ATP2B2: variants seen among roughly 807,000 people sequenced by gnomAD.
The protein encoded by ATP2B2 is ATPase plasma membrane Ca2+ transporting 2.
In ATP2B2, 15 loss-of-function variants were observed where a neutral mutation model predicts 120.0. The ratio of observed to expected loss-of-function variants is 0.12; its 90% CI spans 0.08 to 0.19. The LOEUF (loss-of-function observed/expected upper bound fraction) is 0.19. Ranked by LOEUF, ATP2B2 falls within the 10% of genes least tolerant of loss-of-function variation. The pLI is 1.00. For synonymous variants in ATP2B2, 694 were observed against 700.3 expected (o/e 0.99, Z 0.14); for missense variants, 1,045 against 1,719.8 (o/e 0.61, Z 6.94).
chr3:10,689,577 C>T (rs2071607498), intron 1 of ATP2B2, among the ~76,000 whole-genome samples: 1 of 151,990 alleles, frequency 6.6e-6, no homozygotes, highest in East Asian at 1.9e-4. Context: ...AGAAGAAAGG[C>T]CATTTTAACA....
chr3:10,449,024 C>T (rs1439864283), intron 2 of ATP2B2, among the ~76,000 whole-genome samples: 2 of 152,200 alleles, frequency 1.3e-5, no homozygotes, highest in Non-Finnish European at 2.9e-5. Context: ...AAACTAGTGC[C>T]TCCCATAGTA....
intron 2 of ATP2B2, among the ~76,000 whole-genome samples, chr3:10,550,513 A>C (rs1201984158): frequency 1.3e-5 from 2 of 152,098 alleles, no homozygotes; most frequent in Admixed American, 1.3e-4. Flanking sequence ...TCTATGTGAT[A>C]GTTTTTTAAA....
intron 1 of ATP2B2, among the ~76,000 whole-genome samples, chr3:10,653,394 G>A (rs1052861839): frequency 2.0e-5 from 3 of 152,136 alleles, no homozygotes; most frequent in African/African-American, 7.2e-5. Flanking sequence ...GAGTCCAAAG[G>A]ACTCAACCAC....
At chr3:10,645,934 T>C (rs866960303) in intron 1 of ATP2B2, among the ~76,000 whole-genome samples, 6 of 152,208 alleles carry the variant, frequency 3.9e-5, no homozygotes, top group African/African-American at 1.4e-4. Context: ...ATCTTTGATG[T>C]GTTCCCCTCG....
intron 7 of ATP2B2, 105 bp from the exon 8 acceptor site, chr3:10,385,432 T>A (rs1693166453): frequency 1.3e-6 from 1 of 795,288 alleles, no homozygotes. Flanking sequence ...ACTCTATTCT[T>A]AAAAAAAAAA....
intron 11 of ATP2B2, among the ~76,000 whole-genome samples, chr3:10,374,401 A>G (rs980739526): frequency 1.3e-5 from 2 of 152,242 alleles, no homozygotes; most frequent in Non-Finnish European, 2.9e-5. Context: ...GCGTCTGTCT[A>G]GAGATCTCTT....
chr3:10,693,280 T>C (rs2125715331), intron 1 of ATP2B2, among the ~76,000 whole-genome samples: 1 of 152,360 alleles, frequency 6.6e-6, no homozygotes, highest in South Asian at 2.1e-4. Context: ...ATAACTCTTA[T>C]AGTGGAGAAT....
chr3:10,468,286 G>C (rs1375216368), intron 1 of ATP2B2, among the ~76,000 whole-genome samples: 2 of 152,228 alleles, frequency 1.3e-5, no homozygotes, highest in South Asian at 2.1e-4. Flanking sequence ...GCCCTTAGTG[G>C]GGCACAGTAC....
chr3:10,418,294 A>T (rs2062857128), intron 2 of ATP2B2, among the ~76,000 whole-genome samples: 1 of 152,236 alleles, frequency 6.6e-6, no homozygotes, highest in Non-Finnish European at 1.5e-5. Flanking sequence ...TATAAAGTGG[A>T]ACATGGTTAA....
intron 14 of ATP2B2, among the ~76,000 whole-genome samples, chr3:10,352,145 C>G (rs918241247): frequency 1.3e-5 from 2 of 152,250 alleles, no homozygotes; most frequent in Admixed American, 1.3e-4. Context: ...TGTATCCACC[C>G]CATTCACAGC....
At chr3:10,487,241 C>A (rs966128888) in intron 1 of ATP2B2, among the ~76,000 whole-genome samples, 1 of 151,966 alleles carries the variant, frequency 6.6e-6, no homozygotes, top group East Asian at 1.9e-4. Flanking sequence ...CATGTGTGTG[C>A]GCACACACAC....
Position 10,449,735 on chromosome 3 carries a change from G to C in ATP2B2, c.-192C>G. The C allele has an allele frequency of 1.5e-6, 1 of 680,774 alleles. No homozygotes were observed. Among genetic ancestry groups the C allele is most frequent in the Non-Finnish European group, 2.6e-6 (1 of 380,554 alleles). 42.2% of individuals were successfully genotyped at this position (680,774 alleles called of 1,614,324 possible). A position where few individuals can be genotyped will look rare whatever the true frequency, so the allele number is the denominator to read the frequency against. On this transcript the variant is annotated 5_prime_UTR_variant, in exon 2 of 23. Coordinates refer to ENST00000360273, the MANE Select transcript of ATP2B2 (RefSeq NM_001001331.4). ...TGACAGTGGTGGTGAGCTCCAAGAGGTGTCCTCCGGTGTGGGACGAGGTCC... is the reference window on the plus strand; with the variant it reads ...TGACAGTGGTGGTGAGCTCCAAGAGCTGTCCTCCGGTGTGGGACGAGGTCC...
rs991732648 is a variant in ATP2B2 at position 10,421,003 on chromosome 3, G to A, written c.200-10188C>T. Reference sequence around the variant, plus strand: ...AAAACTTAGTGGTCCCTGGAGCGGCGGCTTCAGCATCACCTGGGGACTTGT... The same window carrying A: ...AAAACTTAGTGGTCCCTGGAGCGGCAGCTTCAGCATCACCTGGGGACTTGT... On this transcript the variant is annotated intron_variant, in intron 2 of 22. Coordinates refer to ENST00000360273, the MANE Select transcript of ATP2B2 (RefSeq NM_001001331.4). Among the ~76,000 whole-genome samples, 3 of 152,186 alleles carry A rather than the reference G, an allele frequency of 2.0e-5. No individual in the cohort carries two copies. In the East Asian group the frequency reaches 5.8e-4, roughly 29 times the overall value.
rs935376816 is a variant in ATP2B2, at chr3:10,340,573, G to A, written c.3049C>T (p.His1017Tyr). The A allele has an allele frequency of 2.5e-6, 4 of 1,614,122 alleles. No individual in the cohort carries two copies. The highest frequency in any genetic ancestry group is 2.7e-5 in the African/African-American group (2 of 74,942). ...CCGTCAAAGACATTGCGCTCGCCGTGGATCTTGCGGGCGTTGATCTCGTTG... is the reference window on the plus strand; with the variant it reads ...CCGTCAAAGACATTGCGCTCGCCGTAGATCTTGCGGGCGTTGATCTCGTTG... ...LFNEINARKIHGERNVFDGIF... is the reference protein window; with the variant it reads ...LFNEINARKIYGERNVFDGIF... The change falls in exon 20 of 23, where the codon CAC (histidine) becomes TAC (tyrosine). Residue 1017 changes from histidine to tyrosine, a missense_variant. His to Tyr is a moderately conservative substitution (Grantham distance 83, BLOSUM62 2). This residue lies in a region of ATP2B2 where 211 missense variants were observed against 385.1 expected (regional missense o/e 0.55). Transcript: ENST00000360273. The surrounding 1 kb of genome is among the most constrained non-coding windows in gnomAD (Gnocchi z 5.0).
At chr3:10,645,347 A>G (rs2070295659) in intron 1 of ATP2B2, among the ~76,000 whole-genome samples, 1 of 152,234 alleles carries the variant, frequency 6.6e-6, no homozygotes, top group South Asian at 2.1e-4. Flanking sequence ...TGAACAGTGG[A>G]TTAAGCAATA....
rs574424100 is a variant in ATP2B2 at position 10,634,837 on chromosome 3, G to A, written c.-459-14876C>T. 1.2e-3 allele frequency among the ~76,000 whole-genome samples: 179 copies of A among 152,288 alleles called. 1 individual carries two copies. The highest frequency in any genetic ancestry group is 4.0e-3 in the African/African-American group (167 of 41,566). On this transcript the variant is annotated intron_variant, in intron 1 of 21. Coordinates refer to the ATP2B2 transcript ENST00000646379. ...AGCCAGAACTCCACCATTAGCATGC[G>A]TGTCCTCTGCCAAAATACAAATCTC...
intron 2 of ATP2B2, among the ~76,000 whole-genome samples, chr3:10,411,310 A>G (rs2062602636): frequency 6.6e-6 from 1 of 152,152 alleles, no homozygotes; most frequent in African/African-American, 2.4e-5. Context: ...TGGTCTTCAG[A>G]GGGAGGTGGC....
In ATP2B2 at chr3:10,325,955, T is replaced by C. The variant is rs2059849666; in HGVS notation, c.*2859A>G. On this transcript the variant is annotated 3_prime_UTR_variant, in exon 23 of 23. Coordinates refer to ENST00000360273, the MANE Select transcript of ATP2B2 (RefSeq NM_001001331.4). ...GTATACATTACAGATATATTTACTA[T>C]GTTCTGTTTGATGTTGTTTTTTGCT... 1 of 152,218 alleles carries C rather than the reference T, an allele frequency of 6.6e-6. No homozygotes were observed. The highest frequency in any genetic ancestry group is 6.5e-5 in the Admixed American group (1 of 15,284). The allele number at this position is 152,218 out of a possible 1,614,324, so 9.4% of individuals were successfully genotyped here.
At chr3:10,703,466 C>CCT (rs1370913574) in intron 1 of ATP2B2, among the ~76,000 whole-genome samples, 2 of 152,176 alleles carry the variant, frequency 1.3e-5, no homozygotes, top group Non-Finnish European at 2.9e-5. Flanking sequence ...ATATTCGGCT[C>CCT]CTCTACCTGC....
Sources: gnomAD v4.1 joint callset for allele counts (sites outside exome capture counted in the v4.1 genomes callset) on GRCh38, gnomAD v4.1.1 for gene constraint, gnomAD v4.1.1 regional missense constraint, Gnocchi (gnomAD v3.1) non-coding constraint, MANE v1.5 for transcripts, NCBI Gene and HGNC (gene_info 2026-07-23, HGNC 2026-07-21) for gene names.